The following FBXL17 variants were observed in gnomAD, a reference collection of about 807,000 sequenced individuals.
The protein encoded by FBXL17 is F-box and leucine rich repeat protein 17, also known as F-box/LRR-repeat protein 17.
In FBXL17, 22 loss-of-function variants were observed where a neutral mutation model predicts 66.2. That is an observed-to-expected ratio of 0.33 (90% CI 0.24 to 0.47). FBXL17 has a LOEUF of 0.47. FBXL17 is among the 20% of genes least tolerant of loss of function. FBXL17 has a pLI of 1.00. For missense variants in FBXL17, 878 were observed against 948.2 expected (o/e 0.93, Z 0.97); for synonymous variants, 474 against 400.5 (o/e 1.18, Z -2.19).
At chr5:108,088,130 C>T (rs1424846068) in intron 6 of FBXL17, among the ~76,000 whole-genome samples, 1 of 152,116 alleles carries the variant, frequency 6.6e-6, no homozygotes, top group Non-Finnish European at 1.5e-5. Context: ...TAATTAACTG[C>T]CATTATAAAC....
At chr5:108,233,818 T>C (rs1240878482) in intron 4 of FBXL17, among the ~76,000 whole-genome samples, 1 of 152,230 alleles carries the variant, frequency 6.6e-6, no homozygotes, top group South Asian at 2.1e-4. Context: ...AAGCTTCAGT[T>C]TAGAAATCTT....
At chr5:108,283,106 C>T (rs1479119015) in intron 4 of FBXL17, among the ~76,000 whole-genome samples, 1 of 151,570 alleles carries the variant, frequency 6.6e-6, no homozygotes, top group Non-Finnish European at 1.5e-5. Context: ...CAATGCAATC[C>T]CTATCAAATT....
chr5:107,929,493 T>C (rs186342164), intron 7 of FBXL17, among the ~76,000 whole-genome samples: 1 of 152,110 alleles, frequency 6.6e-6, no homozygotes, highest in Non-Finnish European at 1.5e-5. Flanking sequence ...AATAGTAAAA[T>C]AAAAATACTT....
chr5:108,296,959 A>G (rs1282109391), intron 4 of FBXL17, among the ~76,000 whole-genome samples: 2 of 151,420 alleles, frequency 1.3e-5, no homozygotes, highest in Non-Finnish European at 3.0e-5. Context: ...TTTTTCATTC[A>G]AATTGATATT....
chr5:107,979,298 A>C (rs12655573), intron 7 of FBXL17, among the ~76,000 whole-genome samples: 19,019 of 152,232 alleles, frequency 0.12, 1,391 homozygotes, highest in East Asian at 0.2. Context: ...ATCATCTTTC[A>C]GATAAATAAA....
chr5:108,113,287 G>C lies in FBXL17; in HGVS notation c.1745+72830C>G, dbSNP rs565144645. Among the ~76,000 whole-genome samples, 3 of 152,226 alleles carry C rather than the reference G, an allele frequency of 2.0e-5. No individual in the cohort carries two copies. In the South Asian group the frequency reaches 6.2e-4, roughly 32 times the overall value. On this transcript the variant is annotated intron_variant, in intron 6 of 8. Coordinates refer to ENST00000542267, the MANE Select transcript of FBXL17 (RefSeq NM_001163315.3). Reference sequence around the variant, plus strand: ...CTTTATTTTCTAAGTTAAAAGACGGGATGTAATCTGCAACTTTAAAACACA... The same window carrying C: ...CTTTATTTTCTAAGTTAAAAGACGGCATGTAATCTGCAACTTTAAAACACA...
intron 6 of FBXL17, among the ~76,000 whole-genome samples, chr5:108,178,494 CTAGTT>C (rs1380400124): frequency 6.6e-6 from 1 of 152,166 alleles, no homozygotes; most frequent in African/African-American, 2.4e-5. Flanking sequence ...ACTAACGTCA[CTAGTT>C]TAGAAAGACT....
chr5:108,006,969 G>T (rs796684463), intron 7 of FBXL17, among the ~76,000 whole-genome samples: 1 of 152,188 alleles, frequency 6.6e-6, no homozygotes, highest in Non-Finnish European at 1.5e-5. Flanking sequence ...AAGACATCAG[G>T]AGCGTTCTTA....
chr5:108,362,326 G>A (rs1366868574), intron 3 of FBXL17, among the ~76,000 whole-genome samples: 1 of 152,078 alleles, frequency 6.6e-6, no homozygotes, highest in Non-Finnish European at 1.5e-5. Context: ...TGCTAAAACT[G>A]CATATAATTG....
intron 6 of FBXL17, among the ~76,000 whole-genome samples, chr5:108,125,117 T>TA (rs897924507): frequency 2.0e-5 from 3 of 151,634 alleles, no homozygotes; most frequent in African/African-American, 2.4e-5. Flanking sequence ...TGTATTTTAT[T>TA]AAAAAAAAAG....
intron 5 of FBXL17, among the ~76,000 whole-genome samples, chr5:108,213,661 T>C (rs1038939100): frequency 1.3e-5 from 2 of 152,114 alleles, no homozygotes; most frequent in Non-Finnish European, 2.9e-5. Context: ...GGTACCTCAG[T>C]TGGAAATGCA....
chr5:107,889,978 A>T (rs1749139301), intron 7 of FBXL17, among the ~76,000 whole-genome samples: 1 of 152,166 alleles, frequency 6.6e-6, no homozygotes, highest in Non-Finnish European at 1.5e-5. Flanking sequence ...GGTGGGAACC[A>T]ACCCTTTGAG....
intron 6 of FBXL17, among the ~76,000 whole-genome samples, chr5:108,149,556 C>T (rs1245824598): frequency 2.6e-5 from 4 of 152,178 alleles, no homozygotes; most frequent in South Asian, 4.1e-4. Flanking sequence ...TTTATTTTAA[C>T]TACCCTTGAC....
chr5:108,282,924 AACCT>A (rs1757757444), intron 4 of FBXL17, among the ~76,000 whole-genome samples: 1 of 151,492 alleles, frequency 6.6e-6, no homozygotes, highest in South Asian at 2.1e-4. Context: ...AAAAAAAAAA[AACCT>A]AGGAACATTT....
intron 4 of FBXL17, among the ~76,000 whole-genome samples, chr5:108,253,906 T>C (rs983338663): frequency 4.6e-5 from 7 of 151,898 alleles, no homozygotes; most frequent in African/African-American, 1.7e-4. Flanking sequence ...GCTGAGAGGA[T>C]CACTTGAGCC....
At chr5:108,102,014 T>C (rs554422645) in intron 6 of FBXL17, among the ~76,000 whole-genome samples, 1 of 152,268 alleles carries the variant, frequency 6.6e-6, no homozygotes, top group South Asian at 2.1e-4. Context: ...ACTAGGGCAA[T>C]TGGTGCGGCA....
At chr5:108,125,957 G>A (rs1750681079) in intron 6 of FBXL17, among the ~76,000 whole-genome samples, 1 of 151,870 alleles carries the variant, frequency 6.6e-6, no homozygotes, top group East Asian at 1.9e-4. Context: ...GGTCCAAAGG[G>A]CCCAAAGAGT....
At chr5:107,939,454 C>T (rs746336248) in intron 7 of FBXL17, among the ~76,000 whole-genome samples, 1 of 152,010 alleles carries the variant, frequency 6.6e-6, no homozygotes, top group Non-Finnish European at 1.5e-5. Flanking sequence ...TCCACAGATT[C>T]GGGCCACGGG....
At chr5:107,897,116 C>A (rs1332697600) in intron 7 of FBXL17, among the ~76,000 whole-genome samples, 1 of 152,016 alleles carries the variant, frequency 6.6e-6, no homozygotes, top group African/African-American at 2.4e-5. Context: ...ATAGGAGAAG[C>A]AGCTTCTGTC....
Sources: allele counts gnomAD v4.1 joint callset (sites outside exome capture counted in the v4.1 genomes callset), GRCh38; gene constraint gnomAD v4.1.1; transcripts MANE v1.5; gene names NCBI Gene and HGNC (gene_info 2026-07-23, HGNC 2026-07-21).